Variants in SGK3 observed in about 807,000 individuals in gnomAD.
The protein encoded by SGK3 is serum/glucocorticoid regulated kinase family member 3.
Under a neutral mutation model 68.5 loss-of-function variants are expected in SGK3, and 47 were observed. That is an observed-to-expected ratio of 0.69 (90% confidence interval 0.54 to 0.87). The LOEUF (loss-of-function observed/expected upper bound fraction) is 0.87. Among genes scored for constraint, SGK3 ranks in the 40% least tolerant of loss-of-function variants. SGK3 has a pLI of 0.00. For missense variants in SGK3, 479 were observed against 575.5 expected, an observed-to-expected ratio of 0.83 and a Z score of 1.72; for synonymous variants, 181 against 189.1, an observed-to-expected ratio of 0.96 and a Z score of 0.35.
intron 3 of SGK3, 91 bp from the exon 4 acceptor site, chr8:66,804,284 C>A: frequency 9.0e-7 from 1 of 1,114,318 alleles, no homozygotes; most frequent in Non-Finnish European, 1.2e-6. Flanking sequence ...GATGGATTTT[C>A]TTTAAAATAA....
chr8:66,792,567 G>A lies in SGK3; in HGVS notation c.-121-1049G>A, dbSNP rs138198561. On this transcript the variant is annotated intron_variant, in intron 1 of 16. Coordinates refer to ENST00000521198, the MANE Select transcript of SGK3 (RefSeq NM_001033578.3). ...CTAAACATCCAGGGCAATTATCCAAGCAAACTGACACTTTAAAAAGTATTA... is the reference window on the plus strand; with the variant it reads ...CTAAACATCCAGGGCAATTATCCAAACAAACTGACACTTTAAAAAGTATTA... Among the ~76,000 whole-genome samples the A allele has an allele frequency of 2.2e-4, 34 of 152,150 alleles. 1 individual carries two copies. The East Asian group carries it at 6.4e-3, about 29-fold the overall frequency.
At chr8:66,848,956 T>C (rs1289868517) in intron 15 of SGK3, among the ~76,000 whole-genome samples, 1 of 152,200 alleles carries the variant, frequency 6.6e-6, no homozygotes, top group Non-Finnish European at 1.5e-5. Flanking sequence ...CTTGCAACAC[T>C]CTCCTGTTCC....
intron 8 of SGK3, among the ~76,000 whole-genome samples, chr8:66,832,303 C>A (rs117431334): frequency 6.6e-6 from 1 of 152,090 alleles, no homozygotes; most frequent in East Asian, 1.9e-4. Flanking sequence ...TATTTAAGTG[C>A]TTTTTTTACA....
In SGK3 at chr8:66,831,258, A is replaced by G; in HGVS notation, c.472A>G (p.Lys158Glu). The change falls in exon 8 of 17, where the codon AAA becomes GAA. Residue 158 changes from lysine to glutamate, a missense_variant. By Grantham distance (56) the Lys-to-Glu change is moderately conservative. Around this residue, in one of 3 missense-constraint regions of SGK3, gnomAD observed 298 missense variants for 329.4 expected, o/e 0.90. Coordinates refer to ENST00000521198, the MANE Select transcript of SGK3 (RefSeq NM_001033578.3). ...CTTATTGTTAATTTATTTCAGTGCCAAACCAACTGACTTTGATTTCTTAAA... is the reference window on the plus strand; with the variant it reads ...CTTATTGTTAATTTATTTCAGTGCCGAACCAACTGACTTTGATTTCTTAAA... ...NLGPSGNPHA[K>E]PTDFDFLKVI... 1 of 1,614,120 alleles carries G rather than the reference A, an allele frequency of 6.2e-7. No homozygotes were observed. The highest frequency in any genetic ancestry group is 8.5e-7 in the Non-Finnish European group (1 of 1,179,982).
chr8:66,727,019 A>G (rs1302818324), intron 1 of SGK3, among the ~76,000 whole-genome samples: 14 of 152,118 alleles, frequency 9.2e-5, no homozygotes, highest in Admixed American at 8.5e-4. Flanking sequence ...ATGGAAATAG[A>G]GCAATAATTT....
chr8:66,721,296 T>A (rs1311699160), intron 1 of SGK3, among the ~76,000 whole-genome samples: 1 of 152,252 alleles, frequency 6.6e-6, no homozygotes, highest in Non-Finnish European at 1.5e-5. Flanking sequence ...AGGTGTGGGC[T>A]CCTGCACCCT....
chr8:66,718,702 A>G (rs1221217691), intron 1 of SGK3, among the ~76,000 whole-genome samples: 1 of 151,408 alleles, frequency 6.6e-6, no homozygotes. Flanking sequence ...CTAATTTTGT[A>G]TTTTTAGTTG....
intron 7 of SGK3, among the ~76,000 whole-genome samples, chr8:66,829,269 C>T (rs1809201643): frequency 6.6e-6 from 1 of 152,146 alleles, no homozygotes; most frequent in African/African-American, 2.4e-5. Flanking sequence ...GGTCTTGCTG[C>T]CCTTACTTGT....
chr8:66,827,386 C>CAAAA (rs757439616), intron 6 of SGK3, among the ~76,000 whole-genome samples: 1 of 52,316 alleles, frequency 1.9e-5, no homozygotes, highest in African/African-American at 6.2e-5. Flanking sequence ...AACTCTATCT[C>CAAAA]AAAAAAAAAA....
At chr8:66,741,556 T>A (rs143237609) in intron 1 of SGK3, among the ~76,000 whole-genome samples, 2,075 of 151,474 alleles carry the variant, frequency 0.014, 56 homozygotes, top group African/African-American at 0.048. Flanking sequence ...TCTCAAAAAA[T>A]AATAATAATA....
chr8:66,833,161 G>A (rs1420455763), intron 8 of SGK3, among the ~76,000 whole-genome samples: 3 of 151,920 alleles, frequency 2.0e-5, no homozygotes, highest in African/African-American at 4.8e-5. Flanking sequence ...ACACGCCACC[G>A]TGTCTGGCTA....
chr8:66,820,954 CT>C (rs1479721474), intron 5 of SGK3, among the ~76,000 whole-genome samples: 1 of 152,164 alleles, frequency 6.6e-6, no homozygotes, highest in Non-Finnish European at 1.5e-5. Context: ...TATCCTTCCG[CT>C]TCAGCCTCAC....
intron 1 of SGK3, among the ~76,000 whole-genome samples, chr8:66,735,991 A>C (rs1357917898): frequency 6.6e-6 from 1 of 152,228 alleles, no homozygotes; most frequent in Non-Finnish European, 1.5e-5. Flanking sequence ...TCATTGATGC[A>C]GCCATTGTTA....
chr8:66,754,549 A>G (rs181874054), intron 1 of SGK3, among the ~76,000 whole-genome samples: 7 of 152,374 alleles, frequency 4.6e-5, no homozygotes, highest in South Asian at 2.1e-4. Flanking sequence ...CTGCATATAC[A>G]TGATGAGATC....
intron 1 of SGK3, among the ~76,000 whole-genome samples, chr8:66,729,695 G>A (rs1390352113): frequency 6.6e-6 from 1 of 151,824 alleles, no homozygotes; most frequent in Non-Finnish European, 1.5e-5. Flanking sequence ...TTGAGGAGTT[G>A]CCAGACTGTT....
Position 66,813,943 on chromosome 8 carries a change from T to C in SGK3, c.329+15T>C. The C allele has an allele frequency of 1.3e-6, 2 of 1,574,422 alleles. No individual in the cohort carries two copies. The highest frequency in any genetic ancestry group is 1.7e-6 in the Non-Finnish European group (2 of 1,161,690). ...CTTTATAACCAGTAAGTAATTTTTGTTGCGTTCTAAAGGGACATTAAAACT... is the reference window on the plus strand; with the variant it reads ...CTTTATAACCAGTAAGTAATTTTTGCTGCGTTCTAAAGGGACATTAAAACT... On this transcript the variant is annotated intron_variant, in intron 5 of 16. Transcript: ENST00000521198.
intron 16 of SGK3, 84 bp from the exon 17 acceptor site, chr8:66,859,327 C>T: frequency 1.5e-6 from 2 of 1,370,310 alleles, no homozygotes; most frequent in Non-Finnish European, 9.6e-7. Context: ...GTGTGAGACT[C>T]TGTCTCAAAT....
chr8:66,787,012 A>G (rs560961726), intron 1 of SGK3, among the ~76,000 whole-genome samples: 1 of 127,388 alleles, frequency 7.9e-6, no homozygotes, highest in African/African-American at 3.1e-5. Flanking sequence ...ATCTTGGCTC[A>G]CTGCAACCTT....
At chr8:66,787,936 C>T (rs953168633) in intron 1 of SGK3, among the ~76,000 whole-genome samples, 2 of 152,242 alleles carry the variant, frequency 1.3e-5, no homozygotes, top group South Asian at 2.1e-4. Context: ...TAAACCACCA[C>T]GTGTACTGCT....
Sources: gnomAD v4.1 joint callset for allele counts (sites outside exome capture counted in the v4.1 genomes callset) on GRCh38, gnomAD v4.1.1 for gene constraint, gnomAD v4.1.1 regional missense constraint, MANE v1.5 for transcripts, NCBI Gene and HGNC (gene_info 2026-07-23, HGNC 2026-07-21) for gene names.